The following CRACDL variants were observed in gnomAD, a reference collection of about 807,000 sequenced individuals.
The protein encoded by CRACDL is CRACD-like protein.
CRACDL carries 26 observed loss-of-function variants against 70.6 expected under a neutral mutation model. The observed-to-expected ratio is 0.37, with a 90% confidence interval of 0.27 to 0.51. The LOEUF is 0.51. Among genes scored for constraint, CRACDL ranks in the 20% least tolerant of loss-of-function variants. The probability of loss-of-function intolerance (pLI) is 0.94; values close to 1 mark genes in which losing one functional copy is unlikely to be tolerated. For missense variants in CRACDL, 1,283 were observed against 1,376.9 expected (o/e 0.93, Z 1.08); for synonymous variants, 618 against 615.2 (o/e 1.00, Z -0.07).
intron 5 of CRACDL, among the ~76,000 whole-genome samples, chr2:98,828,475 C>G (rs1363619402): frequency 1.3e-5 from 2 of 152,194 alleles, no homozygotes; most frequent in African/African-American, 4.8e-5. Flanking sequence ...GTGGCGAACT[C>G]CTAGGGTCAT....
intron 7 of CRACDL, among the ~76,000 whole-genome samples, chr2:98,819,080 C>A (rs946312619): frequency 2.0e-5 from 3 of 152,198 alleles, no homozygotes; most frequent in Non-Finnish European, 2.9e-5. Flanking sequence ...TGAGACAATT[C>A]TCTTCTACTA....
intron 3 of CRACDL, 102 bp downstream of exon 3, chr2:98,838,016 AT>A: frequency 1.0e-6 from 1 of 985,854 alleles, no homozygotes; most frequent in Non-Finnish European, 1.5e-6. Flanking sequence ...CTCTAATGGA[AT>A]TACCCAGGAG....
intron 1 of CRACDL, among the ~76,000 whole-genome samples, chr2:98,902,554 C>T (rs1449980337): frequency 2.6e-5 from 4 of 152,032 alleles, no homozygotes; most frequent in Non-Finnish European, 4.4e-5. Flanking sequence ...AGATGTATCC[C>T]CTCTCCCAAT....
intron 7 of CRACDL, among the ~76,000 whole-genome samples, chr2:98,821,062 C>G (rs1037149301): frequency 3.9e-5 from 6 of 152,196 alleles, no homozygotes; most frequent in Non-Finnish European, 8.8e-5. Flanking sequence ...TTGAGGGATT[C>G]GCTGAGAGTC....
intron 1 of CRACDL, among the ~76,000 whole-genome samples, chr2:98,905,243 C>T: frequency 9.3e-6 from 1 of 107,498 alleles, no homozygotes; most frequent in Admixed American, 1.1e-4. Context: ...GAGCCAGACT[C>T]TGTCTCAAAA....
At chr2:98,806,152 C>A (rs915398099) in intron 7 of CRACDL, among the ~76,000 whole-genome samples, 1 of 152,188 alleles carries the variant, frequency 6.6e-6, no homozygotes, top group Admixed American at 6.5e-5. Context: ...TTGCTCAGGT[C>A]CCCATAGTAG....
chr2:98,880,636 T>C (rs1416463058), intron 1 of CRACDL, among the ~76,000 whole-genome samples: 1 of 152,070 alleles, frequency 6.6e-6, no homozygotes, highest in Non-Finnish European at 1.5e-5. Flanking sequence ...GGATTTCCAG[T>C]TCTCTGGCCG....
chr2:98,935,778 G>A (rs1027754252), intron 1 of CRACDL, among the ~76,000 whole-genome samples, 160 bp downstream of exon 1: 1 of 152,134 alleles, frequency 6.6e-6, no homozygotes, highest in African/African-American at 2.4e-5. Flanking sequence ...TCGGCGGCGG[G>A]GGTGGCGCCT....
chr2:98,901,064 A>T (rs1224861271), intron 1 of CRACDL, among the ~76,000 whole-genome samples: 2 of 152,186 alleles, frequency 1.3e-5, no homozygotes, highest in African/African-American at 4.8e-5. Flanking sequence ...CAAGCATGTA[A>T]AAGCACGTGG....
At chr2:98,890,963 A>G (rs2104635332) in intron 1 of CRACDL, among the ~76,000 whole-genome samples, 1 of 152,182 alleles carries the variant, frequency 6.6e-6, no homozygotes, top group Non-Finnish European at 1.5e-5. Flanking sequence ...AGGCTGAGGC[A>G]AGAGAATTGC....
intron 1 of CRACDL, among the ~76,000 whole-genome samples, chr2:98,858,428 T>C (rs1361718871): frequency 6.7e-6 from 1 of 148,196 alleles, no homozygotes; most frequent in Non-Finnish European, 1.5e-5. Flanking sequence ...GGCATGATAA[T>C]CTCTTGAACC....
intron 7 of CRACDL, among the ~76,000 whole-genome samples, chr2:98,804,796 C>T (rs759559273): frequency 6.6e-6 from 1 of 152,236 alleles, no homozygotes; most frequent in African/African-American, 2.4e-5. Flanking sequence ...AACAGAATTA[C>T]ACCTAAAACA....
Position 98,822,818 on chromosome 2 carries a change from C to G in CRACDL, c.1455G>C (p.Thr485=). The G allele has an allele frequency of 1.4e-6, 2 of 1,392,186 alleles. No individual in the cohort carries two copies. Among genetic ancestry groups the G allele is most frequent in the Non-Finnish European group, 1.9e-6 (2 of 1,078,334 alleles). 86.2% of individuals were successfully genotyped at this position (1,392,186 alleles called of 1,614,324 possible). A position where few individuals can be genotyped will look rare whatever the true frequency, so the allele number is the denominator to read the frequency against. The part of the protein sequence containing the change: ...EPERIGTEPS[T]APAPSPPAPK... Reference sequence around the variant, plus strand: ...GCGCCGGCGGGCTCGGGGCGGGCGCCGTGGAGGGCTCGGTCCCAATTCTCT... The same window carrying G: ...GCGCCGGCGGGCTCGGGGCGGGCGCGGTGGAGGGCTCGGTCCCAATTCTCT... The change falls in exon 7 of 10, where the codon ACG becomes ACC. Residue 485 remains threonine, a synonymous_variant. Transcript: ENST00000397899. The surrounding 1 kb of genome is among the most constrained non-coding windows in gnomAD (Gnocchi z 4.9).
At chr2:98,811,403 G>C (rs545341482) in intron 7 of CRACDL, among the ~76,000 whole-genome samples, 7 of 151,320 alleles carry the variant, frequency 4.6e-5, no homozygotes, top group South Asian at 2.1e-4. Context: ...CCAGCTACTC[G>C]GGAGGCTGAG....
chr2:98,821,067 A>C (rs1705007474), intron 7 of CRACDL, among the ~76,000 whole-genome samples: 1 of 152,246 alleles, frequency 6.6e-6, no homozygotes, highest in African/African-American at 2.4e-5. Context: ...GGATTCGCTG[A>C]GAGTCCTATC....
intron 1 of CRACDL, among the ~76,000 whole-genome samples, chr2:98,887,227 C>T (rs1205781502): frequency 1.3e-5 from 2 of 152,108 alleles, no homozygotes; most frequent in Non-Finnish European, 2.9e-5. Context: ...GTGGCTCATG[C>T]CTATAATCCC....
chr2:98,913,252 G>A (rs904405398), intron 1 of CRACDL, among the ~76,000 whole-genome samples: 1 of 152,212 alleles, frequency 6.6e-6, no homozygotes, highest in Admixed American at 6.5e-5. Context: ...AGGCAGACAG[G>A]CATGTCTGTA....
At chr2:98,929,769 A>G (rs1709024389) in intron 1 of CRACDL, among the ~76,000 whole-genome samples, 2 of 152,134 alleles carry the variant, frequency 1.3e-5, no homozygotes, top group Non-Finnish European at 1.5e-5. Context: ...TGAAGAAAAA[A>G]ACAACAAACG....
chr2:98,814,302 G>A (rs1040725810), intron 7 of CRACDL, among the ~76,000 whole-genome samples: 1 of 151,930 alleles, frequency 6.6e-6, no homozygotes, highest in African/African-American at 2.4e-5. Context: ...TTAATGTTGA[G>A]TTTCCCTAAG....
Sources: allele counts gnomAD v4.1 joint callset (sites outside exome capture counted in the v4.1 genomes callset), GRCh38; gene constraint gnomAD v4.1.1; non-coding constraint Gnocchi (gnomAD v3.1); transcripts MANE v1.5; gene names NCBI Gene and HGNC (gene_info 2026-07-23, HGNC 2026-07-21).